Variants in CAMSAP1 observed in about 807,000 individuals in gnomAD.
The protein encoded by CAMSAP1 is calmodulin-regulated spectrin-associated protein 1.
In CAMSAP1, 58 loss-of-function variants were observed where a neutral mutation model predicts 143.5. The observed-to-expected ratio is 0.40, with a 90% CI of 0.33 to 0.50. CAMSAP1 has a LOEUF of 0.50. Among genes scored for constraint, CAMSAP1 ranks in the 20% least tolerant of loss-of-function variants. CAMSAP1 has a pLI of 0.45. For synonymous variants in CAMSAP1, 945 were observed against 859.3 expected, an observed-to-expected ratio of 1.10 and a Z score of -1.74; for missense variants, 1,969 against 2,115.7, an observed-to-expected ratio of 0.93 and a Z score of 1.36.
At chr9:135,840,980 G>A (rs1836324183) in intron 7 of CAMSAP1, among the ~76,000 whole-genome samples, 1 of 152,094 alleles carries the variant, frequency 6.6e-6, no homozygotes, top group East Asian at 1.9e-4. Flanking sequence ...AGTGGTGCCT[G>A]GAACGCCAGC....
intron 5 of CAMSAP1, among the ~76,000 whole-genome samples, chr9:135,861,774 G>GTATC (rs1159344491): frequency 6.6e-6 from 1 of 152,182 alleles, no homozygotes; most frequent in Non-Finnish European, 1.5e-5. Context: ...TCTTGGCCTT[G>GTATC]TATCTGCCTA....
At chr9:135,865,100 G>A in intron 4 of CAMSAP1, 1 of 554,316 alleles carries the variant, frequency 1.8e-6, no homozygotes, top group African/African-American at 1.9e-5. Context: ...ACTTAAAGAA[G>A]TAACTAGGAA....
At position 135,818,425 on chromosome 9, in the gene CAMSAP1, G is replaced by C. The variant is rs770627643; in HGVS notation, c.4151C>G (p.Thr1384Ser). Reference protein sequence around the residue: ...HREESCSDSGTKCSSTPDNLS... With the variant: ...HREESCSDSGSKCSSTPDNLS... ...CTGCTTACGGGTGGAGGAGCACTTGGTGCCGGAGTCGCTGCACGACTCTTC... is the reference window on the plus strand; with the variant it reads ...CTGCTTACGGGTGGAGGAGCACTTGCTGCCGGAGTCGCTGCACGACTCTTC... Residue 1384 changes from threonine to serine, a missense_variant, in exon 13 of 17, where the codon ACC becomes AGC. Thr to Ser is a moderately conservative substitution (Grantham distance 58). Around this residue, in one of 4 missense-constraint regions of CAMSAP1, gnomAD observed 1,390 missense variants for 1,420.8 expected, o/e 0.98. Coordinates refer to ENST00000389532, the MANE Select transcript of CAMSAP1 (RefSeq NM_015447.4). The surrounding 1 kb of genome is among the most constrained non-coding windows in gnomAD (Gnocchi z 7.7). The C allele has an allele frequency of 6.3e-7, 1 of 1,588,304 alleles. No homozygotes were observed. The highest frequency in any genetic ancestry group is 1.7e-5 in the Admixed American group (1 of 57,890).
At chr9:135,886,009 G>A (rs966381337) in intron 1 of CAMSAP1, among the ~76,000 whole-genome samples, 1 of 151,888 alleles carries the variant, frequency 6.6e-6, no homozygotes, top group Non-Finnish European at 1.5e-5. Context: ...TGCGAGAGCT[G>A]GATGTGCACA....
At chr9:135,852,590 C>T (rs895573571) in intron 5 of CAMSAP1, among the ~76,000 whole-genome samples, 8 of 152,174 alleles carry the variant, frequency 5.3e-5, no homozygotes, top group Admixed American at 3.3e-4. Context: ...GCGGCTCCCT[C>T]GGTGAGGCCA....
intron 5 of CAMSAP1, among the ~76,000 whole-genome samples, chr9:135,855,088 T>C (rs1419535038): frequency 6.6e-6 from 1 of 152,026 alleles, no homozygotes; most frequent in Non-Finnish European, 1.5e-5. Context: ...ACCTCCTGGG[T>C]TGAAGCAATT....
chr9:135,889,577 G>A (rs1838227128), intron 1 of CAMSAP1, among the ~76,000 whole-genome samples: 1 of 152,232 alleles, frequency 6.6e-6, no homozygotes, highest in Admixed American at 6.5e-5. Flanking sequence ...CCGGAGCAGA[G>A]GCCACGTGCT....
At chr9:135,862,434 C>T (rs1221458394) in intron 5 of CAMSAP1, 33 bp downstream of exon 5, 21 of 1,545,574 alleles carry the variant, frequency 1.4e-5, no homozygotes, top group East Asian at 7.4e-5. Context: ...TAAGCCTTTT[C>T]GGATCTGTTT....
intron 7 of CAMSAP1, among the ~76,000 whole-genome samples, chr9:135,835,770 G>C (rs964900187): frequency 5.3e-5 from 8 of 152,232 alleles, no homozygotes; most frequent in African/African-American, 1.9e-4. Flanking sequence ...CCTGAAGTCA[G>C]GAGTTCTAGA....
intron 7 of CAMSAP1, among the ~76,000 whole-genome samples, chr9:135,840,190 A>G (rs1836288388): frequency 2.0e-5 from 3 of 152,192 alleles, no homozygotes; most frequent in Non-Finnish European, 4.4e-5. Context: ...TTCAGCAGGC[A>G]TCACTACCCA....
intron 1 of CAMSAP1, among the ~76,000 whole-genome samples, chr9:135,894,257 C>T (rs747108213): frequency 2.0e-5 from 3 of 152,132 alleles, no homozygotes; most frequent in Non-Finnish European, 2.9e-5. Flanking sequence ...CCAAGGGAAT[C>T]CAGCAAGTGG....
intron 11 of CAMSAP1, among the ~76,000 whole-genome samples, chr9:135,819,658 A>G (rs1835372077): frequency 7.0e-6 from 1 of 143,590 alleles, no homozygotes; most frequent in Non-Finnish European, 1.5e-5. Flanking sequence ...ACATGGCGAA[A>G]CCCTGTCTCC....
intron 5 of CAMSAP1, among the ~76,000 whole-genome samples, chr9:135,855,969 G>A (rs941212082): frequency 6.6e-5 from 10 of 151,758 alleles, no homozygotes; most frequent in African/African-American, 1.2e-4. Flanking sequence ...GGAGAATGGC[G>A]TGAACCTGGG....
rs144690478 is a variant in CAMSAP1 at position 135,883,715 on chromosome 9, C to T, written c.161-637G>A. Among the ~76,000 whole-genome samples the T allele has an allele frequency of 1.3e-3, 205 of 152,352 alleles. 2 individuals carry two copies. The highest frequency in any genetic ancestry group is 2.2e-3 in the Admixed American group (34 of 15,306). On this transcript the variant is annotated intron_variant, in intron 1 of 16. Coordinates refer to ENST00000389532, the MANE Select transcript of CAMSAP1 (RefSeq NM_015447.4). The stretch of plus-strand genomic sequence containing the variant: ...TTTTTGGACCAGGCAGCATCAAACT[C>T]TTGACATGAACCACGCTACTTAATC...
chr9:135,847,669 C>T (rs1415567098), intron 7 of CAMSAP1, among the ~76,000 whole-genome samples: 2 of 148,666 alleles, frequency 1.3e-5, no homozygotes, highest in African/African-American at 2.5e-5. Flanking sequence ...AACACACGGA[C>T]ACAGGGAGGG....
Position 135,822,741 on chromosome 9 carries a change from C to G in CAMSAP1, c.1920G>C (p.Met640Ile), listed in dbSNP as rs765528220. 5.0e-6 allele frequency: 8 copies of G among 1,612,688 alleles called. No individual in the cohort carries two copies. The highest frequency in any genetic ancestry group is 6.8e-6 in the Non-Finnish European group (8 of 1,179,286). ...EGPQPLVRRKMTGSRDLNRTF... is the reference protein window; with the variant it reads ...EGPQPLVRRKITGSRDLNRTF... ...TCCTATTCAAGTCGCGACTGCCAGT[C>G]ATTTTCCTTCGTACCAAAGGCTGGG... Residue 640 changes from methionine to isoleucine, a missense_variant, in exon 11 of 17, where the codon ATG (methionine) becomes ATC (isoleucine). By Grantham distance (10) the Met-to-Ile change is conservative. Transcript: ENST00000389532. The surrounding 1 kb of genome is among the most constrained non-coding windows in gnomAD (Gnocchi z 6.1).
At position 135,818,440 on chromosome 9, in the gene CAMSAP1, C is replaced by A; in HGVS notation, c.4136G>T (p.Cys1379Phe). The change falls in exon 13 of 17, where the codon TGC (cysteine) becomes TTC (phenylalanine). Residue 1379 changes from cysteine (C) to phenylalanine (F), a missense_variant. By Grantham distance (205) the Cys-to-Phe change is radical. Transcript: ENST00000389532. The surrounding 1 kb of genome is among the most constrained non-coding windows in gnomAD (Gnocchi z 7.7). ...GGAGCACTTGGTGCCGGAGTCGCTG[C>A]ACGACTCTTCCCGGTGCACCGACTT... is the stretch of plus-strand genomic sequence containing the variant. ...RPKSVHREES[C>F]SDSGTKCSST... 6.3e-7 allele frequency: 1 copy of A among 1,596,956 alleles called. No homozygotes were observed. Among genetic ancestry groups the A allele is most frequent in the Non-Finnish European group, 8.5e-7 (1 of 1,176,110 alleles).
At chr9:135,847,961 A>AGGGGGGGGGGGGGGG (rs1836636263) in intron 7 of CAMSAP1, among the ~76,000 whole-genome samples, 1 of 12,902 alleles carries the variant, frequency 7.8e-5, no homozygotes, top group Non-Finnish European at 1.5e-4. Context: ...GGGGAGGGGG[A>AGGGGGGGGGGGGGGG]GGAGTGAAGG....
chr9:135,865,243 G>T, intron 4 of CAMSAP1: 1 of 1,317,914 alleles, frequency 7.6e-7, no homozygotes, highest in Non-Finnish European at 1.1e-6. Context: ...CAAAAAAACA[G>T]TTTTGGGTGC....
Sources: gnomAD v4.1 joint callset for allele counts (sites outside exome capture counted in the v4.1 genomes callset) on GRCh38, gnomAD v4.1.1 for gene constraint, gnomAD v4.1.1 regional missense constraint, Gnocchi (gnomAD v3.1) non-coding constraint, MANE v1.5 for transcripts, NCBI Gene and HGNC (gene_info 2026-07-23, HGNC 2026-07-21) for gene names.